Variants in UNC80 observed in about 807,000 individuals in gnomAD.
UNC80 encodes the protein protein unc-80 homolog.
Under a neutral mutation model 384.6 loss-of-function variants are expected in UNC80, and 164 were observed. That is an observed-to-expected ratio of 0.43 (90% CI 0.38 to 0.49). UNC80 has a LOEUF of 0.49. UNC80 is among the 20% of genes least tolerant of loss of function. UNC80 has a pLI of 0.00. For synonymous variants in UNC80, 1,486 were observed against 1,527.8 expected, an observed-to-expected ratio of 0.97 and a Z score of 0.64; for missense variants, 3,330 against 4,143.0, an observed-to-expected ratio of 0.80 and a Z score of 5.39.
At chr2:209,853,167 CAT>C (rs1442246416) in intron 22 of UNC80, among the ~76,000 whole-genome samples, 2 of 152,028 alleles carry the variant, frequency 1.3e-5, no homozygotes, top group Non-Finnish European at 2.9e-5. Context: ...AATTCATCAT[CAT>C]ATTTCAATCT....
At position 209,849,581 on chromosome 2, in the gene UNC80, G is replaced by A. The variant is rs2124838403; in HGVS notation, c.3585G>A (p.Gly1195=). 6.4e-7 allele frequency: 1 copy of A among 1,550,904 alleles called. No homozygotes were observed. Among genetic ancestry groups the A allele is most frequent in the South Asian group, 1.2e-5 (1 of 84,028 alleles). The change falls in exon 22 of 65, where the codon GGG becomes GGA. Residue 1195 remains glycine, a synonymous_variant. Transcript: ENST00000673920. ...FQFLLNCCEP[G]TIPDASILAA... is the part of the protein sequence containing the mutation. ...TTCTGTTAAACTGCTGTGAGCCAGG[G>A]ACAATTCCTGATGCCTCCATCCTAG...
intron 8 of UNC80, among the ~76,000 whole-genome samples, chr2:209,814,241 C>CTT (rs966628684): frequency 2.1e-5 from 3 of 145,454 alleles, no homozygotes; most frequent in African/African-American, 2.5e-5. Flanking sequence ...TTTCCAGTGT[C>CTT]TTTTTTTTTT....
At chr2:209,776,605 C>CA (rs951374316) in intron 3 of UNC80, among the ~76,000 whole-genome samples, 2 of 152,072 alleles carry the variant, frequency 1.3e-5, no homozygotes, top group African/African-American at 4.8e-5. Context: ...AAAAACAACA[C>CA]AAAAAAATTA....
intron 58 of UNC80, among the ~76,000 whole-genome samples, chr2:209,977,799 A>G (rs1467887951): frequency 6.6e-6 from 1 of 152,216 alleles, no homozygotes; most frequent in African/African-American, 2.4e-5. Context: ...GCAGCAAATT[A>G]CTGAGGAAGG....
At chr2:209,939,840 A>T (rs1379802437) in intron 43 of UNC80, among the ~76,000 whole-genome samples, 188 bp downstream of exon 43, 1 of 152,148 alleles carries the variant, frequency 6.6e-6, no homozygotes, top group East Asian at 1.9e-4. Context: ...AGCATTAGGT[A>T]TATCTCCTAA....
At chr2:209,887,988 T>A (rs1199196463) in intron 25 of UNC80, 107 bp from the exon 26 acceptor site, 1 of 977,424 alleles carries the variant, frequency 1.0e-6, no homozygotes, top group African/African-American at 1.6e-5. Context: ...GGAATCTGGC[T>A]GTTTAAACGC....
intron 31 of UNC80, among the ~76,000 whole-genome samples, chr2:209,914,336 T>C (rs1226967608): frequency 2.0e-5 from 3 of 152,210 alleles, no homozygotes. Flanking sequence ...AAAGGTAATA[T>C]CAAAGCAAAT....
intron 59 of UNC80, among the ~76,000 whole-genome samples, chr2:209,979,758 G>A (rs964864398): frequency 1.2e-4 from 19 of 152,202 alleles, no homozygotes; most frequent in African/African-American, 3.6e-4. Flanking sequence ...CTGATATAAC[G>A]TTTATAGCAA....
intron 26 of UNC80, among the ~76,000 whole-genome samples, chr2:209,888,997 C>T (rs1223918063): frequency 6.6e-6 from 1 of 152,152 alleles, no homozygotes; most frequent in Non-Finnish European, 1.5e-5. Flanking sequence ...TAGGGCTAAT[C>T]TCATCAATTA....
At position 209,976,921 on chromosome 2, in the gene UNC80, C is replaced by A; in HGVS notation, c.8781C>A (p.Ala2927=). ...LRPFIQCKLL[A]QPAENHEELS... ...TTATGCCTTCCTTTCAGCTGCTGGCCCAACCAGCAGAGAATCATGAAGAGC... is the reference window on the plus strand; with the variant it reads ...TTATGCCTTCCTTTCAGCTGCTGGCACAACCAGCAGAGAATCATGAAGAGC... The change falls in exon 58 of 65, where the codon GCC becomes GCA. Residue 2927 remains alanine, a synonymous_variant. Transcript: ENST00000673920. The surrounding 1 kb of genome is among the most constrained non-coding windows in gnomAD (Gnocchi z 4.3). 1 of 1,513,596 alleles carries A rather than the reference C, an allele frequency of 6.6e-7. No homozygotes were observed. The allele number at this position is 1,513,596 out of a possible 1,614,324, so 93.8% of individuals were successfully genotyped here.
At chr2:209,850,748 A>C (rs113167812) in intron 22 of UNC80, among the ~76,000 whole-genome samples, 2,057 of 152,216 alleles carry the variant, frequency 0.014, 52 homozygotes, top group African/African-American at 0.045. Flanking sequence ...ATGTGTGTTG[A>C]TATGTGCCAT....
At chr2:209,993,999 T>A in intron 63 of UNC80, 66 bp from the exon 64 acceptor site, 2 of 1,392,968 alleles carry the variant, frequency 1.4e-6, no homozygotes, top group African/African-American at 1.5e-5. Flanking sequence ...TAATACCAAC[T>A]ATTAAGCATT....
chr2:209,777,332 CA>C lies in UNC80; in HGVS notation c.374del (p.Gln125ArgfsTer109). ...ACACTGGATGCTTCTGGAGGCCCCC[CA>C]GGACTGCAACAATGAGCGGTTTGGG... ...TLHWMLLEAP[Q>X]DCNNERFGGT... On this transcript the variant is annotated frameshift_variant, in exon 4 of 65. Transcript: ENST00000673920. LOFTEE classifies it high-confidence loss of function. The C allele has an allele frequency of 6.2e-7, 1 of 1,614,198 alleles. No individual in the cohort carries two copies. The highest frequency in any genetic ancestry group is 8.5e-7 in the Non-Finnish European group (1 of 1,180,034).
In UNC80 at chr2:209,849,364, A is replaced by G. The variant is rs189546133; in HGVS notation, c.3455-87A>G. On this transcript the variant is annotated intron_variant, in intron 21 of 64. Coordinates refer to ENST00000673920, the MANE Select transcript of UNC80 (RefSeq NM_001371986.1). ...TTCTGGCCAACACTGTAGAAAACAC[A>G]CTGTTATATCTTTGAAACTCTTTTT... 1.1e-3 allele frequency: 1,623 copies of G among 1,433,972 alleles called. 1 individual carries two copies. The highest frequency in any genetic ancestry group is 1.6e-3 in the Admixed American group (76 of 46,822). The allele number at this position is 1,433,972 out of a possible 1,614,324, so 88.8% of individuals were successfully genotyped here. A position where few individuals can be genotyped will look rare whatever the true frequency, so the allele number is the denominator to read the frequency against.
At chr2:209,984,731 C>A in intron 60 of UNC80, 125 bp from the exon 61 acceptor site, 1 of 900,076 alleles carries the variant, frequency 1.1e-6, no homozygotes, top group South Asian at 1.8e-5. Flanking sequence ...CCTTTTCCTT[C>A]CTTGTTCGGT....
At chr2:209,822,375 A>G (rs777738939) in intron 13 of UNC80, among the ~76,000 whole-genome samples, 1 of 152,212 alleles carries the variant, frequency 6.6e-6, no homozygotes, top group Non-Finnish European at 1.5e-5. Context: ...GATCTAAAGA[A>G]TCATTCAGTG....
rs1437971015 is a variant in UNC80, at chr2:209,816,783, G to C, written c.1336-126G>C. The C allele has an allele frequency of 5.0e-6, 4 of 801,662 alleles. No individual in the cohort carries two copies. The African/African-American group carries it at 7.0e-5, about 14-fold the overall frequency. The allele number at this position is 801,662 out of a possible 1,614,324, so 49.7% of individuals were successfully genotyped here. A position where few individuals can be genotyped will look rare whatever the true frequency, so the allele number is the denominator to read the frequency against. ...CCATTTTTATTGGATGATATTCAGT[G>C]ACTTTCTGGGTCTTCTCTTCCTGGC... On this transcript the variant is annotated intron_variant, in intron 9 of 64. Transcript: ENST00000673920.
At position 209,955,726 on chromosome 2, in the gene UNC80, TATATATATATATACACACAC is replaced by T. The variant is rs1197254856; in HGVS notation, c.7457+1458_7457+1477del. 1.1e-3 allele frequency among the ~76,000 whole-genome samples: 86 copies of T among 80,624 alleles called. 4 individuals carry two copies. Among genetic ancestry groups the T allele is most frequent in the African/African-American group, 3.6e-3 (41 of 11,416 alleles). 52.9% of individuals were successfully genotyped at this position (80,624 alleles called of 152,430 possible). A position where few individuals can be genotyped will look rare whatever the true frequency, so the allele number is the denominator to read the frequency against. On this transcript the variant is annotated intron_variant, in intron 48 of 64. Transcript: ENST00000673920. ...ATATATATATATATATATATATATA[TATATATATATATACACACAC>T]ACACACACACACAGAGAGAGACTGA... is the stretch of plus-strand genomic sequence containing the variant.
chr2:209,921,760 A>G, intron 34 of UNC80, 74 bp downstream of exon 34: 1 of 1,430,038 alleles, frequency 7.0e-7, no homozygotes, highest in East Asian at 2.5e-5. Context: ...TAACATTGAC[A>G]ATTTTATGTG....
Sources: allele counts gnomAD v4.1 joint callset (sites outside exome capture counted in the v4.1 genomes callset), GRCh38; gene constraint gnomAD v4.1.1; non-coding constraint Gnocchi (gnomAD v3.1); transcripts MANE v1.5; gene names NCBI Gene and HGNC (gene_info 2026-07-23, HGNC 2026-07-21).